CREB5: variants seen among roughly 807,000 people sequenced by gnomAD.
CREB5 encodes the protein cAMP responsive element binding protein 5, also known as cyclic AMP-responsive element-binding protein 5.
CREB5 carries 19 observed loss-of-function variants against 57.1 expected under a neutral mutation model. The ratio of observed to expected loss-of-function variants is 0.33; its 90% confidence interval spans 0.23 to 0.49. CREB5 has a LOEUF of 0.49. CREB5 is among the 20% of genes least tolerant of loss of function. The pLI is 0.99. For missense variants in CREB5, 579 were observed against 671.6 expected (o/e 0.86, Z 1.52); for synonymous variants, 238 against 238.3 (o/e 1.00, Z 0.01).
At chr7:28,630,183 T>C (rs1798151168) in intron 5 of CREB5, among the ~76,000 whole-genome samples, 1 of 152,202 alleles carries the variant, frequency 6.6e-6, no homozygotes. Flanking sequence ...CCATAGGACT[T>C]AGTTCTGCTA....
At chr7:28,435,381 AT>A (rs34815040) in intron 1 of CREB5, among the ~76,000 whole-genome samples, 1,121 of 103,510 alleles carry the variant, frequency 0.011, 7 homozygotes, top group Admixed American at 0.027. Context: ...TTTCCCTTCC[AT>A]TTTTTTTTTT....
intron 1 of CREB5, among the ~76,000 whole-genome samples, chr7:28,326,184 TCTATCTATCTATCTATCTATCTATCTAC>T (rs1037991780): frequency 4.0e-5 from 6 of 150,554 alleles, no homozygotes; most frequent in Non-Finnish European, 8.9e-5. Flanking sequence ...TATCTATCTA[TCTATCTATCTATCTATCTATCTATCTAC>T]CTATCTATCT....
intron 1 of CREB5, among the ~76,000 whole-genome samples, chr7:28,481,561 G>A (rs942790550): frequency 1.3e-5 from 2 of 152,116 alleles, no homozygotes; most frequent in African/African-American, 2.4e-5. Context: ...GCATTCAGGC[G>A]TTTCAAGCTT....
intron 1 of CREB5, among the ~76,000 whole-genome samples, chr7:28,465,010 C>T (rs1790505445): frequency 6.6e-6 from 1 of 152,118 alleles, no homozygotes; most frequent in Non-Finnish European, 1.5e-5. Context: ...AGAGTAGAAA[C>T]TATTAGTAGG....
At position 28,822,912 on chromosome 7, in the gene CREB5, C is replaced by A. The variant is rs1363115076; in HGVS notation, c.*3633C>A. The A allele has an allele frequency of 6.6e-6, 1 of 152,592 alleles. No individual in the cohort carries two copies. Among genetic ancestry groups the A allele is most frequent in the Non-Finnish European group, 1.5e-5 (1 of 68,058 alleles). 9.5% of individuals were successfully genotyped at this position (152,592 alleles called of 1,614,324 possible). A position where few individuals can be genotyped will look rare whatever the true frequency, so the allele number is the denominator to read the frequency against. On this transcript the variant is annotated 3_prime_UTR_variant, in exon 11 of 11. Coordinates refer to ENST00000357727, the MANE Select transcript of CREB5 (RefSeq NM_182898.4). ...GATGCAAGTCACAGTCTTAACACAG[C>A]CTGTGGGAGACAAGCAGTTTGTGTG...
intron 7 of CREB5, among the ~76,000 whole-genome samples, chr7:28,772,180 A>C (rs1806360060): frequency 6.6e-6 from 1 of 152,198 alleles, no homozygotes; most frequent in Admixed American, 6.5e-5. Context: ...AATTTGGCAG[A>C]ATCTCTCTTT....
At chr7:28,717,316 C>T (rs943556744) in intron 5 of CREB5, among the ~76,000 whole-genome samples, 1 of 152,066 alleles carries the variant, frequency 6.6e-6, no homozygotes. Flanking sequence ...ATATATACAC[C>T]TATCTAAACT....
chr7:28,452,628 G>A (rs2128569019), intron 1 of CREB5, among the ~76,000 whole-genome samples: 1 of 152,312 alleles, frequency 6.6e-6, no homozygotes, highest in Non-Finnish European at 1.5e-5. Context: ...TAGACCTGCA[G>A]GAGCAGGGGA....
At chr7:28,322,143 G>C (rs745892580) in intron 1 of CREB5, among the ~76,000 whole-genome samples, 1 of 152,270 alleles carries the variant, frequency 6.6e-6, no homozygotes, top group East Asian at 1.9e-4. Flanking sequence ...CTACCCAAAA[G>C]CATTAGATGG....
intron 5 of CREB5, among the ~76,000 whole-genome samples, chr7:28,657,479 C>T (rs920013527): frequency 6.6e-6 from 1 of 152,012 alleles, no homozygotes; most frequent in African/African-American, 2.4e-5. Flanking sequence ...GCCTGTAATC[C>T]CAGCACTTTG....
At chr7:28,412,943 T>C (rs1787864555) in intron 1 of CREB5, 26 bp downstream of exon 1, 4 of 1,408,524 alleles carry the variant, frequency 2.8e-6, no homozygotes, top group Non-Finnish European at 3.7e-6. Context: ...ATTATGCATA[T>C]TAAACAGAGA....
intron 5 of CREB5, among the ~76,000 whole-genome samples, chr7:28,571,816 G>C (rs1171010242): frequency 6.6e-6 from 1 of 152,210 alleles, no homozygotes; most frequent in Non-Finnish European, 1.5e-5. Context: ...AGGAAGAAAA[G>C]GTAATAACTT....
chr7:28,727,712 C>T, intron 7 of CREB5, among the ~76,000 whole-genome samples: 1 of 152,128 alleles, frequency 6.6e-6, no homozygotes. Context: ...GGCCATACAC[C>T]TGTCTTGTGT....
rs1562755507 is a variant in CREB5 at position 28,494,786 on chromosome 7, TTTG to T, written c.76-117_76-115del. The T allele has an allele frequency of 7.8e-6, 5 of 639,204 alleles. No homozygotes were observed. In the South Asian group the frequency reaches 1.0e-4, roughly 13 times the overall value. 39.6% of individuals were successfully genotyped at this position (639,204 alleles called of 1,614,324 possible). A position where few individuals can be genotyped will look rare whatever the true frequency, so the allele number is the denominator to read the frequency against. The stretch of plus-strand genomic sequence containing the variant: ...CACTTTTTCGAAATGTTTTTTTTTT[TTTG>T]TTTTGCCTGTCATGTTTGCAATGCT... On this transcript the variant is annotated intron_variant, in intron 2 of 10. Coordinates refer to ENST00000357727, the MANE Select transcript of CREB5 (RefSeq NM_182898.4).
intron 1 of CREB5, among the ~76,000 whole-genome samples, chr7:28,468,538 G>A (rs1000579695): frequency 1.3e-5 from 2 of 152,220 alleles, no homozygotes; most frequent in African/African-American, 4.8e-5. Flanking sequence ...GGGTTGAGCA[G>A]GCACCAGAGT....
Position 28,582,755 on chromosome 7 carries a change from C to G in CREB5, c.464+12218C>G, listed in dbSNP as rs533305686. Among the ~76,000 whole-genome samples the G allele has an allele frequency of 2.6e-5, 4 of 152,214 alleles. No homozygotes were observed. The East Asian group carries it at 7.7e-4, about 29-fold the overall frequency. ...AGACGTGTGGTGAGTTTTAGAGGAG[C>G]GTCCAAACAGAACTGGATTCCATCA... On this transcript the variant is annotated intron_variant, in intron 5 of 10. Transcript: ENST00000357727.
At chr7:28,665,484 G>C (rs1272973494) in intron 5 of CREB5, among the ~76,000 whole-genome samples, 1 of 152,088 alleles carries the variant, frequency 6.6e-6, no homozygotes, top group Admixed American at 6.5e-5. Context: ...TTTTATGTCA[G>C]TTTTCCCACA....
At chr7:28,579,647 T>A (rs138617334) in intron 5 of CREB5, among the ~76,000 whole-genome samples, 2 of 152,334 alleles carry the variant, frequency 1.3e-5, no homozygotes, top group African/African-American at 4.8e-5. Flanking sequence ...AATAACCACA[T>A]GCCCATCATA....
chr7:28,655,151 T>C (rs535833499), intron 5 of CREB5, among the ~76,000 whole-genome samples: 80 of 152,214 alleles, frequency 5.3e-4, no homozygotes, highest in African/African-American at 1.9e-3. Flanking sequence ...GATCTGCCTG[T>C]GTCAGCCCCC....
Sources: gnomAD v4.1 joint callset for allele counts (sites outside exome capture counted in the v4.1 genomes callset) on GRCh38, gnomAD v4.1.1 for gene constraint, MANE v1.5 for transcripts, NCBI Gene and HGNC (gene_info 2026-07-23, HGNC 2026-07-21) for gene names.